The following MYO1D variants were observed in gnomAD, a reference collection of about 807,000 sequenced individuals.
MYO1D encodes myosin ID.
A neutral mutation model predicts 122.0 loss-of-function variants in MYO1D; 83 were observed. The ratio of observed to expected loss-of-function variants is 0.68; its 90% CI spans 0.57 to 0.82. The LOEUF is 0.82. Among genes scored for constraint, MYO1D ranks in the 40% least tolerant of loss-of-function variants. The probability of loss-of-function intolerance (pLI) is 0.00; values close to 1 mark genes in which losing one functional copy is unlikely to be tolerated. For missense variants in MYO1D, 1,157 were observed against 1,269.5 expected (o/e 0.91, Z 1.35); for synonymous variants, 464 against 446.9 (o/e 1.04, Z -0.48).
intron 1 of MYO1D, among the ~76,000 whole-genome samples, chr17:32,817,943 G>A (rs925567441): frequency 2.0e-5 from 3 of 150,638 alleles, no homozygotes; most frequent in African/African-American, 7.3e-5. Context: ...CGGCTAAAAC[G>A]GTGAAACCCC....
chr17:32,743,770 G>A (rs1039992745), intron 13 of MYO1D, among the ~76,000 whole-genome samples: 10 of 151,918 alleles, frequency 6.6e-5, no homozygotes, highest in African/African-American at 2.4e-4. Context: ...GACACTCACC[G>A]CCACACCCGG....
At chr17:32,792,350 G>A (rs756477652) in intron 1 of MYO1D, 2 of 152,130 alleles carry the variant, frequency 1.3e-5, no homozygotes, top group South Asian at 2.1e-4. Flanking sequence ...TTAAACCAAC[G>A]ATACTGGCCT....
chr17:32,527,394 T>C (rs571799669), intron 21 of MYO1D, among the ~76,000 whole-genome samples: 4 of 152,352 alleles, frequency 2.6e-5, no homozygotes, highest in African/African-American at 9.6e-5. Context: ...TGCCAGGCCC[T>C]GTGGACTGTA....
intron 19 of MYO1D, 109 bp downstream of exon 19, chr17:32,653,734 T>C (rs989231899): frequency 2.3e-6 from 2 of 865,468 alleles, no homozygotes; most frequent in Non-Finnish European, 3.7e-6. Flanking sequence ...GAACTGATGA[T>C]GAAGCTAGTT....
chr17:32,749,828 T>A, intron 11 of MYO1D, among the ~76,000 whole-genome samples: 1 of 152,162 alleles, frequency 6.6e-6, no homozygotes, highest in East Asian at 1.9e-4. Flanking sequence ...AGGACCATAC[T>A]GAAGGAGGAC....
intron 20 of MYO1D, among the ~76,000 whole-genome samples, chr17:32,609,955 GT>G (rs2150917752): frequency 6.6e-6 from 1 of 152,162 alleles, no homozygotes; most frequent in South Asian, 2.1e-4. Flanking sequence ...AACATTTTAT[GT>G]CTATCACGCT....
intron 16 of MYO1D, among the ~76,000 whole-genome samples, chr17:32,690,018 G>T (rs138467049): frequency 6.6e-6 from 1 of 152,036 alleles, no homozygotes; most frequent in African/African-American, 2.4e-5. Context: ...AAGCTACTGC[G>T]CCTGGCCCAT....
intron 14 of MYO1D, among the ~76,000 whole-genome samples, chr17:32,724,126 G>C (rs553973971): frequency 4.5e-4 from 69 of 152,146 alleles, no homozygotes; most frequent in African/African-American, 1.5e-3. Flanking sequence ...GTCGGGCGGA[G>C]GCACTGTTTA....
At chr17:32,778,440 G>C in intron 3 of MYO1D, 40 bp downstream of exon 3, 2 of 1,574,344 alleles carry the variant, frequency 1.3e-6, no homozygotes, top group Non-Finnish European at 1.7e-6. Context: ...AGAGAAAACA[G>C]AGTGCTAAGA....
At chr17:32,628,182 T>C (rs1173795885) in intron 20 of MYO1D, among the ~76,000 whole-genome samples, 1 of 152,222 alleles carries the variant, frequency 6.6e-6, no homozygotes, top group African/African-American at 2.4e-5. Context: ...AATTTTAACC[T>C]TTGTTAACAA....
At chr17:32,850,546 A>AT (rs1352183144) in intron 1 of MYO1D, among the ~76,000 whole-genome samples, 2 of 152,224 alleles carry the variant, frequency 1.3e-5, no homozygotes, top group African/African-American at 4.8e-5. Context: ...TGACTTTTGT[A>AT]AGTGCTCTAT....
At position 32,770,515 on chromosome 17, in the gene MYO1D, T is replaced by C. The variant is rs553484862; in HGVS notation, c.714+610A>G. ...TGTAACTATTATCAACAAACTATTA[T>C]TATAATTAGTTGTAAAATTACTAGA... On this transcript the variant is annotated intron_variant, in intron 6 of 21. Coordinates refer to ENST00000318217, the MANE Select transcript of MYO1D (RefSeq NM_015194.3). 3.3e-5 allele frequency among the ~76,000 whole-genome samples: 5 copies of C among 152,264 alleles called. No individual in the cohort carries two copies. In the South Asian group the frequency reaches 1.0e-3, roughly 32 times the overall value.
rs1163788555 is a variant in MYO1D, at chr17:32,759,614, T to C, written c.1296+676A>G. Among the ~76,000 whole-genome samples the C allele has an allele frequency of 2.6e-5, 4 of 152,252 alleles. No homozygotes were observed. The South Asian group carries it at 8.3e-4, about 32-fold the overall frequency. On this transcript the variant is annotated intron_variant, in intron 10 of 21. Transcript: ENST00000318217. ...AAATTACTATGTCTCATTTCTATCA[T>C]AAACAGAAGGTCTTATCACAGGAAA... is the stretch of plus-strand genomic sequence containing the variant.
chr17:32,691,404 CT>C (rs57902806), intron 16 of MYO1D, among the ~76,000 whole-genome samples: 20,146 of 110,232 alleles, frequency 0.18, 849 homozygotes, highest in Middle Eastern at 0.24. Flanking sequence ...AAAGAAAATT[CT>C]TTTTTTTTTT....
intron 1 of MYO1D, among the ~76,000 whole-genome samples, chr17:32,808,369 TAA>T (rs201707206): frequency 1.6e-4 from 21 of 132,964 alleles, no homozygotes; most frequent in Admixed American, 3.0e-4. Context: ...CCTGTCTCTT[TAA>T]AAAAAAAAAA....
At chr17:32,629,717 C>T (rs371823144) in intron 20 of MYO1D, among the ~76,000 whole-genome samples, 5 of 139,364 alleles carry the variant, frequency 3.6e-5, no homozygotes, top group African/African-American at 1.4e-4. Context: ...GGTGACAAAG[C>T]GAGATTTCAT....
rs145868844 is a variant in MYO1D, at chr17:32,759,316, C to T, written c.1296+974G>A. On this transcript the variant is annotated intron_variant, in intron 10 of 21. Coordinates refer to ENST00000318217, the MANE Select transcript of MYO1D (RefSeq NM_015194.3). Reference sequence around the variant, plus strand: ...ATGGAAGGCAGATACAATTTTGAGGCGGGAAAGCTATTTGTTATATCACTG... The same window carrying T: ...ATGGAAGGCAGATACAATTTTGAGGTGGGAAAGCTATTTGTTATATCACTG... Among the ~76,000 whole-genome samples, 254 of 151,908 alleles carry T rather than the reference C, an allele frequency of 1.7e-3. 1 individual carries two copies. Among genetic ancestry groups the T allele is most frequent in the African/African-American group, 5.7e-3 (238 of 41,472 alleles).
chr17:32,516,100 G>C lies in MYO1D; in HGVS notation c.2865-21185C>G, dbSNP rs150083086. ...ATTCTGCATTTGCTATTTTAAGCGA[G>C]TACATAATGCATCAATTTTCAGACT... is the stretch of plus-strand genomic sequence containing the variant. On this transcript the variant is annotated intron_variant, in intron 21 of 21. Transcript: ENST00000318217. 8.5e-5 allele frequency among the ~76,000 whole-genome samples: 13 copies of C among 152,334 alleles called. No individual in the cohort carries two copies. The East Asian group carries it at 2.5e-3, about 29-fold the overall frequency.
intron 1 of MYO1D, among the ~76,000 whole-genome samples, chr17:32,829,738 GCCA>G (rs2090754853): frequency 6.6e-6 from 1 of 152,186 alleles, no homozygotes; most frequent in Non-Finnish European, 1.5e-5. Context: ...ACAGGTGTGA[GCCA>G]CCAAGCCCGG....
Sources: allele counts gnomAD v4.1 joint callset (sites outside exome capture counted in the v4.1 genomes callset), GRCh38; gene constraint gnomAD v4.1.1; transcripts MANE v1.5; gene names NCBI Gene and HGNC (gene_info 2026-07-23, HGNC 2026-07-21).